The following RELCH variants were observed in gnomAD, a reference collection of about 807,000 sequenced individuals.
RELCH encodes RAB11-binding protein RELCH.
Under a neutral mutation model 150.3 loss-of-function variants are expected in RELCH, and 41 were observed. That is an observed-to-expected ratio of 0.27 (90% CI 0.21 to 0.35). The LOEUF (loss-of-function observed/expected upper bound fraction) is 0.35, where lower values mean the gene tolerates loss of function less well. Ranked by LOEUF, RELCH falls within the 10% of genes least tolerant of loss-of-function variation. The pLI is 1.00. For synonymous variants in RELCH, 478 were observed against 531.8 expected (o/e 0.90, Z 1.39); for missense variants, 1,092 against 1,467.8 (o/e 0.74, Z 4.18).
chr18:62,244,346 T>C (rs2042299167), intron 10 of RELCH, among the ~76,000 whole-genome samples: 1 of 152,128 alleles, frequency 6.6e-6, no homozygotes, highest in African/African-American at 2.4e-5. Context: ...CTTACAGAAG[T>C]GGGAAAAGTG....
At chr18:62,225,624 A>G (rs1320352816) in intron 5 of RELCH, among the ~76,000 whole-genome samples, 1 of 152,024 alleles carries the variant, frequency 6.6e-6, no homozygotes, top group Non-Finnish European at 1.5e-5. Context: ...TGCAAATTCA[A>G]TCACATTGAG....
intron 28 of RELCH, among the ~76,000 whole-genome samples, chr18:62,299,635 C>A (rs578191605): frequency 6.6e-6 from 1 of 152,238 alleles, no homozygotes; most frequent in South Asian, 2.1e-4. Context: ...CCATATATAT[C>A]CATTTTAACC....
intron 22 of RELCH, among the ~76,000 whole-genome samples, chr18:62,278,927 A>G (rs757814905): frequency 3.3e-5 from 5 of 152,174 alleles, no homozygotes; most frequent in Non-Finnish European, 7.4e-5. Context: ...TTTAAATTAG[A>G]TCATTTCTTC....
intron 22 of RELCH, chr18:62,277,996 G>A: frequency 9.1e-6 from 2 of 219,564 alleles, no homozygotes; most frequent in Non-Finnish European, 1.5e-5. Flanking sequence ...ACTTTCCGAA[G>A]CCTCAGTTTC....
chr18:62,207,942 C>T (rs2039915276), intron 1 of RELCH, among the ~76,000 whole-genome samples: 1 of 152,164 alleles, frequency 6.6e-6, no homozygotes, highest in African/African-American at 2.4e-5. Flanking sequence ...TGTCTAGCTT[C>T]TTTTATTTAG....
chr18:62,216,320 C>T (rs1037725141), intron 2 of RELCH, among the ~76,000 whole-genome samples: 8 of 151,984 alleles, frequency 5.3e-5, no homozygotes, highest in Non-Finnish European at 1.0e-4. Context: ...AAGTTCAGTA[C>T]GTTGGAAATG....
At chr18:62,252,807 A>G (rs2042789881) in intron 12 of RELCH, 53 bp downstream of exon 12, 2 of 1,312,198 alleles carry the variant, frequency 1.5e-6, no homozygotes, top group South Asian at 1.2e-5. Context: ...ATTTCTTAAG[A>G]AGATACATAG....
At chr18:62,211,008 C>G in intron 1 of RELCH, 145 bp from the exon 2 acceptor site, 2 of 491,014 alleles carry the variant, frequency 4.1e-6, no homozygotes, top group South Asian at 3.3e-5. Flanking sequence ...AGCATTTTTA[C>G]TTTGTTCTGT....
intron 2 of RELCH, 70 bp downstream of exon 2, chr18:62,211,312 T>G: frequency 3.1e-6 from 3 of 962,458 alleles, no homozygotes; most frequent in South Asian, 2.7e-5. Flanking sequence ...CTTGAGGAAT[T>G]TTTTTCCTTC....
chr18:62,260,605 G>C (rs76365956), intron 15 of RELCH, among the ~76,000 whole-genome samples: 2 of 151,586 alleles, frequency 1.3e-5, no homozygotes, highest in South Asian at 4.2e-4. Context: ...TACATGTTGA[G>C]TTTCAAGCAC....
intron 2 of RELCH, among the ~76,000 whole-genome samples, chr18:62,213,805 G>T (rs1379617745): frequency 6.7e-6 from 1 of 149,746 alleles, no homozygotes; most frequent in African/African-American, 2.5e-5. Flanking sequence ...TAGAAGAGAA[G>T]AAGAAAATAG....
chr18:62,222,524 C>T (rs947739950), intron 5 of RELCH, among the ~76,000 whole-genome samples: 2 of 151,828 alleles, frequency 1.3e-5, no homozygotes, highest in Non-Finnish European at 3.0e-5. Context: ...AGATGGAATA[C>T]ATAGAAAACA....
chr18:62,296,216 T>C (rs1291113702), intron 27 of RELCH, among the ~76,000 whole-genome samples: 1 of 152,214 alleles, frequency 6.6e-6, no homozygotes, highest in Non-Finnish European at 1.5e-5. Context: ...GTTAGTTAAT[T>C]TTATGGTTCC....
intron 2 of RELCH, among the ~76,000 whole-genome samples, chr18:62,219,996 T>C (rs1403163835): frequency 6.6e-6 from 1 of 152,110 alleles, no homozygotes; most frequent in Non-Finnish European, 1.5e-5. Context: ...TTTCTTAATA[T>C]TCATTTGTGG....
intron 25 of RELCH, among the ~76,000 whole-genome samples, chr18:62,286,865 C>T (rs1415951121): frequency 6.6e-6 from 1 of 152,128 alleles, no homozygotes; most frequent in Non-Finnish European, 1.5e-5. Context: ...TGACATTGGT[C>T]TTTGCTAAGA....
At chr18:62,232,897 T>C (rs2041666523) in intron 10 of RELCH, among the ~76,000 whole-genome samples, 1 of 152,086 alleles carries the variant, frequency 6.6e-6, no homozygotes, top group Non-Finnish European at 1.5e-5. Flanking sequence ...ATAAATGTGT[T>C]ATTATGCTTG....
chr18:62,298,099 C>CCCCA (rs2045504697), intron 27 of RELCH, among the ~76,000 whole-genome samples: 1 of 151,376 alleles, frequency 6.6e-6, no homozygotes, highest in African/African-American at 2.4e-5. Flanking sequence ...TTTATCCCCC[C>CCCCA]CCGTCTAAAA....
intron 5 of RELCH, among the ~76,000 whole-genome samples, chr18:62,222,022 T>G (rs1453115170): frequency 6.6e-6 from 1 of 152,018 alleles, no homozygotes; most frequent in Non-Finnish European, 1.5e-5. Context: ...AAAAGATGTC[T>G]TATTTTAGTG....
chr18:62,219,630 G>A (rs918577721), intron 2 of RELCH, among the ~76,000 whole-genome samples: 2 of 151,904 alleles, frequency 1.3e-5, no homozygotes, highest in African/African-American at 4.8e-5. Context: ...TAAGGAAAAT[G>A]TTTAACTTTG....
Sources: gnomAD v4.1 joint callset for allele counts (sites outside exome capture counted in the v4.1 genomes callset) on GRCh38, gnomAD v4.1.1 for gene constraint, MANE v1.5 for transcripts, NCBI Gene and HGNC (gene_info 2026-07-23, HGNC 2026-07-21) for gene names.